The following SPMIP3 variants were observed in gnomAD, a reference collection of about 807,000 sequenced individuals.
The protein encoded by SPMIP3 is protein SPMIP3.
At chr1:244,361,512 A>G in the SPMIP3 span, among the ~76,000 whole-genome samples, 11 of 152,060 alleles carry the variant, frequency 7.2e-5, no homozygotes, top group Non-Finnish European at 1.2e-4. Context: ...TACAGGCGTG[A>G]GCCACCGCGC....
chr1:244,376,004 A>G, the SPMIP3 span, among the ~76,000 whole-genome samples: 3 of 152,136 alleles, frequency 2.0e-5, no homozygotes, highest in African/African-American at 7.2e-5. Flanking sequence ...TATGGGAGAC[A>G]TTCTTTTGTA....
At chr1:244,353,726 G>A in the SPMIP3 span, among the ~76,000 whole-genome samples, 2 of 152,160 alleles carry the variant, frequency 1.3e-5, no homozygotes, top group African/African-American at 4.8e-5. Flanking sequence ...TATTCAGGCA[G>A]CAGAATTCAT....
the SPMIP3 span, among the ~76,000 whole-genome samples, chr1:244,365,549 C>T: frequency 7.7e-4 from 117 of 152,288 alleles, no homozygotes; most frequent in African/African-American, 2.7e-3. Context: ...ACCTCTTTTT[C>T]TTTATAAAAT....
the SPMIP3 span, among the ~76,000 whole-genome samples, chr1:244,367,723 A>G: frequency 6.6e-6 from 1 of 152,154 alleles, no homozygotes; most frequent in African/African-American, 2.4e-5. Context: ...CCAGGTCCAG[A>G]CACCACAGAG....
At chr1:244,375,020 T>C in the SPMIP3 span, 1 of 157,588 alleles carries the variant, frequency 6.3e-6, no homozygotes, top group Non-Finnish European at 1.4e-5. Flanking sequence ...GCCCACCCAC[T>C]GGTTTTATAT....
chr1:244,386,827 G>C, the SPMIP3 span, among the ~76,000 whole-genome samples: 1 of 152,162 alleles, frequency 6.6e-6, no homozygotes, highest in Non-Finnish European at 1.5e-5. Flanking sequence ...ATGCAGACTA[G>C]AACAGTGAAA....
At chr1:244,370,153 T>C in the SPMIP3 span, among the ~76,000 whole-genome samples, 4 of 152,336 alleles carry the variant, frequency 2.6e-5, no homozygotes, top group East Asian at 7.7e-4. Context: ...ATCTCCTGTA[T>C]CAATACCAAC....
the SPMIP3 span, among the ~76,000 whole-genome samples, chr1:244,372,496 T>C: frequency 6.6e-6 from 1 of 150,818 alleles, no homozygotes; most frequent in African/African-American, 2.4e-5. Context: ...CAGGCTGGAG[T>C]GCAGTGGCAC....
the SPMIP3 span, among the ~76,000 whole-genome samples, chr1:244,365,139 G>T: frequency 6.6e-6 from 1 of 152,164 alleles, no homozygotes; most frequent in Non-Finnish European, 1.5e-5. Flanking sequence ...TGGGACAATT[G>T]AAGTACGATA....
chr1:244,378,653 A>G, the SPMIP3 span: 9 of 1,605,412 alleles, frequency 5.6e-6, no homozygotes, highest in Non-Finnish European at 7.7e-6. Context: ...AGTCAGGCCA[A>G]CTGCTCTTAA....
At chr1:244,365,495 G>A in the SPMIP3 span, among the ~76,000 whole-genome samples, 2 of 152,164 alleles carry the variant, frequency 1.3e-5, no homozygotes, top group Non-Finnish European at 2.9e-5. Flanking sequence ...CTTCTGCCAT[G>A]ATTGTGAGGC....
chr1:244,382,600 G>GTTTTTTT, the SPMIP3 span, among the ~76,000 whole-genome samples: 2 of 106,056 alleles, frequency 1.9e-5, no homozygotes, highest in Non-Finnish European at 3.7e-5. Flanking sequence ...TCTGGCTGCT[G>GTTTTTTT]TTTTTTTTTT....
At chr1:244,377,642 A>G in the SPMIP3 span, among the ~76,000 whole-genome samples, 9 of 152,202 alleles carry the variant, frequency 5.9e-5, 1 homozygote, top group African/African-American at 2.2e-4. Flanking sequence ...AAGCTGGACC[A>G]GTGAAGGTAT....
At chr1:244,360,759 C>G in the SPMIP3 span, among the ~76,000 whole-genome samples, 1 of 151,874 alleles carries the variant, frequency 6.6e-6, no homozygotes, top group Non-Finnish European at 1.5e-5. Flanking sequence ...TGGCAGGTGC[C>G]TGTAGTCCCA....
At chr1:244,361,853 A>G in the SPMIP3 span, among the ~76,000 whole-genome samples, 3 of 152,318 alleles carry the variant, frequency 2.0e-5, no homozygotes, top group African/African-American at 7.2e-5. Flanking sequence ...TAGGAGCTCA[A>G]AAGCCCTGAA....
the SPMIP3 span, among the ~76,000 whole-genome samples, chr1:244,377,129 A>T: frequency 0.24 from 33,462 of 139,096 alleles, 4,574 homozygotes; most frequent in Admixed American, 0.34. Flanking sequence ...CTTTATTTTT[A>T]TTTTTTTTTT....
At chr1:244,378,821 C>T in the SPMIP3 span, among the ~76,000 whole-genome samples, 1 of 150,702 alleles carries the variant, frequency 6.6e-6, no homozygotes, top group Non-Finnish European at 1.5e-5. Flanking sequence ...CAAGGCTCCC[C>T]GCTACCTAGT....
At chr1:244,379,131 T>C in the SPMIP3 span, among the ~76,000 whole-genome samples, 16 of 152,020 alleles carry the variant, frequency 1.1e-4, no homozygotes, top group East Asian at 1.9e-4. Context: ...GGTTTCACCA[T>C]GTTGGCCGGG....
chr1:244,383,046 T>C, the SPMIP3 span, among the ~76,000 whole-genome samples: 2 of 152,108 alleles, frequency 1.3e-5, no homozygotes, highest in African/African-American at 4.8e-5. Context: ...ATTCCAGCGA[T>C]ATTTTGGGGG....
Sources: allele counts gnomAD v4.1 joint callset (sites outside exome capture counted in the v4.1 genomes callset), GRCh38; gene constraint gnomAD v4.1.1; transcripts MANE v1.5; gene names NCBI Gene and HGNC (gene_info 2026-07-23, HGNC 2026-07-21).